Variants in EPB41 observed in about 807,000 individuals in gnomAD.
The protein encoded by EPB41 is erythrocyte membrane protein band 4.1.
EPB41 carries 65 observed loss-of-function variants against 108.0 expected under a neutral mutation model. The observed-to-expected ratio is 0.60, with a 90% CI of 0.49 to 0.74. EPB41 has a LOEUF of 0.74. Among genes scored for constraint, EPB41 ranks in the 30% least tolerant of loss-of-function variants. The pLI, the probability that EPB41 is intolerant of heterozygous loss-of-function variation, is 0.00. For synonymous variants in EPB41, 336 were observed against 358.9 expected (o/e 0.94, Z 0.72); for missense variants, 875 against 1,037.0 (o/e 0.84, Z 2.15).
chr1:28,934,690 G>GTGTGTGTGTA (rs1275621280), intron 1 of EPB41, among the ~76,000 whole-genome samples: 16 of 151,534 alleles, frequency 1.1e-4, no homozygotes, highest in Non-Finnish European at 1.8e-4. Flanking sequence ...GTGTGTGTGT[G>GTGTGTGTGTA]TGTGTGTGTG....
Position 29,062,300 on chromosome 1 carries a change from T to G in EPB41, c.2007+1816T>G, listed in dbSNP as rs537032051. The stretch of plus-strand genomic sequence containing the variant: ...ACTAGTTCGTCTTCAGTGCTTCCTC[T>G]TAACTGGAACCTGCAGTACCAATCA... On this transcript the variant is annotated intron_variant, in intron 15 of 20. Coordinates refer to ENST00000343067, the MANE Select transcript of EPB41 (RefSeq NM_001376013.1). Among the ~76,000 whole-genome samples, 79 of 152,348 alleles carry G rather than the reference T, an allele frequency of 5.2e-4. 1 individual carries two copies. The South Asian group carries it at 0.016, about 30-fold the overall frequency.
chr1:29,028,586 G>T (rs1396364293), intron 7 of EPB41, among the ~76,000 whole-genome samples: 2 of 152,164 alleles, frequency 1.3e-5, no homozygotes, highest in African/African-American at 4.8e-5. Flanking sequence ...CTGAAGCCTG[G>T]ATTCCAGCCC....
intron 7 of EPB41, among the ~76,000 whole-genome samples, chr1:29,021,398 A>G (rs932901423): frequency 3.3e-5 from 5 of 152,122 alleles, no homozygotes; most frequent in African/African-American, 1.2e-4. Flanking sequence ...TTACCTTAGA[A>G]TTTTCCTAAC....
rs1037202894 is a variant in EPB41 at position 29,115,437 on chromosome 1, A to G, written c.2497-262A>G. On this transcript the variant is annotated intron_variant, in intron 19 of 20. Transcript: ENST00000343067. This position sits in a 1 kb window ranked among gnomAD's most constrained non-coding sequence, Gnocchi z 4.4. ...AAAAAAATAAAGGATCATATAACAGATACAGCTATGACCCCCGAAGTCCCT... is the reference window on the plus strand; with the variant it reads ...AAAAAAATAAAGGATCATATAACAGGTACAGCTATGACCCCCGAAGTCCCT... 1.3e-5 allele frequency among the ~76,000 whole-genome samples: 2 copies of G among 152,012 alleles called. No individual in the cohort carries two copies. The highest frequency in any genetic ancestry group is 2.9e-5 in the Non-Finnish European group (2 of 68,002).
intron 16 of EPB41, 63 bp downstream of exon 16, chr1:29,065,221 A>G (rs761934381): frequency 6.7e-5 from 100 of 1,488,968 alleles, no homozygotes; most frequent in Admixed American, 2.4e-5. Flanking sequence ...TTATGTATTA[A>G]TATTCTGTAT....
At chr1:28,938,461 G>A (rs1165523885) in intron 1 of EPB41, among the ~76,000 whole-genome samples, 1 of 151,330 alleles carries the variant, frequency 6.6e-6, no homozygotes, top group African/African-American at 2.4e-5. Flanking sequence ...TATTTTGCAT[G>A]CTAAATGGAA....
At chr1:28,891,076 C>T (rs1486583754) in intron 1 of EPB41, 1 of 811,390 alleles carries the variant, frequency 1.2e-6, no homozygotes, top group Non-Finnish European at 1.5e-6. Flanking sequence ...AGGGGTTTCC[C>T]CAGAGGGGCA....
intron 1 of EPB41, among the ~76,000 whole-genome samples, chr1:28,903,040 C>T (rs2091455930): frequency 1.3e-5 from 2 of 152,114 alleles, no homozygotes; most frequent in South Asian, 4.1e-4. Context: ...GACGTCAGTT[C>T]CCAAAGCAAT....
intron 1 of EPB41, among the ~76,000 whole-genome samples, chr1:28,932,328 G>A (rs2093790151): frequency 6.6e-6 from 1 of 151,938 alleles, no homozygotes; most frequent in South Asian, 2.1e-4. Context: ...TCGCCATGTT[G>A]GCCAGGCTGA....
At chr1:28,944,314 A>C (rs1319951996) in intron 1 of EPB41, among the ~76,000 whole-genome samples, 1 of 152,186 alleles carries the variant, frequency 6.6e-6, no homozygotes, top group Non-Finnish European at 1.5e-5. Flanking sequence ...ATAGCACAAT[A>C]GGGTGACTAT....
intron 1 of EPB41, among the ~76,000 whole-genome samples, chr1:28,984,201 G>A (rs940451501): frequency 6.6e-6 from 1 of 152,142 alleles, no homozygotes; most frequent in Non-Finnish European, 1.5e-5. Flanking sequence ...AGGATGGGGT[G>A]AGGTGGGGCC....
At chr1:29,108,251 C>T (rs1667903050) in intron 17 of EPB41, among the ~76,000 whole-genome samples, 1 of 150,268 alleles carries the variant, frequency 6.7e-6, no homozygotes, top group Non-Finnish European at 1.5e-5. Flanking sequence ...TGGGTTCAAG[C>T]TATTCTCCTG....
rs186733714 is a variant in EPB41, at chr1:29,088,940, T to C, written c.2185-8867T>C. ...GCCTGAGCATCATAGTGAGAGCCTA[T>C]GTCTAAAAAATAAATATATACATAA... On this transcript the variant is annotated intron_variant, in intron 16 of 20. Transcript: ENST00000343067. Among the ~76,000 whole-genome samples the C allele has an allele frequency of 4.5e-3, 687 of 152,280 alleles. 4 individuals carry two copies. Among genetic ancestry groups the C allele is most frequent in the African/African-American group, 0.016 (650 of 41,556 alleles).
chr1:28,998,571 C>T (rs1168384974), intron 4 of EPB41, among the ~76,000 whole-genome samples: 3 of 152,114 alleles, frequency 2.0e-5, no homozygotes, highest in African/African-American at 7.2e-5. Flanking sequence ...TGGAATTATC[C>T]TTTTCCTAAA....
chr1:29,058,685 C>T, intron 13 of EPB41, 40 bp downstream of exon 13: 2 of 1,597,640 alleles, frequency 1.3e-6, no homozygotes, highest in Non-Finnish European at 1.7e-6. Flanking sequence ...TTCCCTCCAC[C>T]CCCTCAGTTT....
intron 16 of EPB41, among the ~76,000 whole-genome samples, chr1:29,075,688 A>G (rs1653745642): frequency 6.6e-6 from 1 of 152,216 alleles, no homozygotes. Context: ...AAAAGTCTTC[A>G]TATTTATAAG....
At chr1:28,973,491 GCAATTC>G (rs2149334077) in intron 1 of EPB41, among the ~76,000 whole-genome samples, 1 of 152,250 alleles carries the variant, frequency 6.6e-6, no homozygotes, top group East Asian at 1.9e-4. Context: ...CTGGGCTCAA[GCAATTC>G]TTCTGCCTCA....
At chr1:29,075,032 C>A (rs1653317053) in intron 16 of EPB41, among the ~76,000 whole-genome samples, 1 of 151,710 alleles carries the variant, frequency 6.6e-6, no homozygotes, top group Admixed American at 6.6e-5. Context: ...TGATGGGCAT[C>A]TGTAGTCCCA....
intron 1 of EPB41, among the ~76,000 whole-genome samples, chr1:28,954,302 A>G (rs2149019037): frequency 6.6e-6 from 1 of 152,358 alleles, no homozygotes; most frequent in South Asian, 2.1e-4. Context: ...GTGCTAAATA[A>G]CAAAGAGCTA....
Sources: allele counts gnomAD v4.1 joint callset (sites outside exome capture counted in the v4.1 genomes callset), GRCh38; gene constraint gnomAD v4.1.1; non-coding constraint Gnocchi (gnomAD v3.1); transcripts MANE v1.5; gene names NCBI Gene and HGNC (gene_info 2026-07-23, HGNC 2026-07-21).